Variants in NAA11 observed in about 807,000 individuals in gnomAD.
NAA11 encodes the protein N-alpha-acetyltransferase 11, NatA catalytic subunit, also known as N-alpha-acetyltransferase 11.
In NAA11, 15 loss-of-function variants were observed where a neutral mutation model predicts 16.1. That is an observed-to-expected ratio of 0.93 (90% confidence interval 0.62 to 1.44). NAA11 has a LOEUF of 1.44. NAA11 is among the 40% of genes most tolerant of loss of function. The pLI is 0.00. For missense variants in NAA11, 298 were observed against 291.3 expected (o/e 1.02, Z -0.17); for synonymous variants, 122 against 112.4 (o/e 1.09, Z -0.54).
rs558242008 is a variant in NAA11 at position 79,248,760 on chromosome 4, C to G, written c.*123-22490G>C. Among the ~76,000 whole-genome samples, 17 of 152,358 alleles carry G rather than the reference C, an allele frequency of 1.1e-4. No individual in the cohort carries two copies. In the South Asian group the frequency reaches 3.5e-3, roughly 32 times the overall value. On this transcript the variant is annotated intron_variant and NMD_transcript_variant, in intron 2 of 2. Coordinates refer to the NAA11 transcript ENST00000511542. ...ATACTGCTGCCTGCATAAACCTGCA[C>G]GTGGAGAACAGTGGCCATGCTGCCA...
At chr4:79,319,159 C>A (rs1357805832) in intron 1 of NAA11, among the ~76,000 whole-genome samples, 3 of 152,164 alleles carry the variant, frequency 2.0e-5, no homozygotes, top group Non-Finnish European at 4.4e-5. Flanking sequence ...AACTCCTGGC[C>A]TCATGCAAAG....
chr4:79,208,927 A>AAAAAAG, the NAA11 span, among the ~76,000 whole-genome samples: 1 of 134,940 alleles, frequency 7.4e-6, no homozygotes, highest in Non-Finnish European at 1.5e-5. Flanking sequence ...ATAACTGCCA[A>AAAAAAG]AAAAAAAAAA....
intron 1 of NAA11, among the ~76,000 whole-genome samples, chr4:79,297,541 T>TG (rs1339481398): frequency 8.5e-5 from 13 of 152,286 alleles, no homozygotes; most frequent in Admixed American, 6.5e-4. Flanking sequence ...CCCACTGACT[T>TG]GCCTCTTCCC....
At chr4:79,309,905 C>T (rs1398482564) in intron 1 of NAA11, among the ~76,000 whole-genome samples, 1 of 151,812 alleles carries the variant, frequency 6.6e-6, no homozygotes, top group East Asian at 1.9e-4. Flanking sequence ...TTAGTAAAGA[C>T]GAGGTTTCAC....
intron 2 of NAA11, among the ~76,000 whole-genome samples, chr4:79,265,507 C>T (rs1428733765): frequency 6.6e-6 from 1 of 152,190 alleles, no homozygotes; most frequent in East Asian, 1.9e-4. Flanking sequence ...TCCCCTATTG[C>T]ACTTTCTTTA....
chr4:79,318,529 GCTGA>G (rs888174264), intron 1 of NAA11, among the ~76,000 whole-genome samples: 12 of 152,256 alleles, frequency 7.9e-5, no homozygotes, highest in Admixed American at 2.0e-4. Flanking sequence ...TAAGATTGAG[GCTGA>G]CTATTATGCA....
intron 2 of NAA11, among the ~76,000 whole-genome samples, chr4:79,290,129 C>T (rs182897730): frequency 2.8e-4 from 43 of 152,236 alleles, no homozygotes; most frequent in African/African-American, 9.6e-4. Flanking sequence ...CAGCAGAGAA[C>T]GCTGGGTCTC....
At chr4:79,207,318 T>C in the NAA11 span, among the ~76,000 whole-genome samples, 1 of 148,906 alleles carries the variant, frequency 6.7e-6, no homozygotes, top group Non-Finnish European at 1.5e-5. Flanking sequence ...TTACTATAAC[T>C]GTGTTTGGTG....
chr4:79,187,762 C>G, the NAA11 span, among the ~76,000 whole-genome samples: 1 of 151,860 alleles, frequency 6.6e-6, no homozygotes, highest in Non-Finnish European at 1.5e-5. Context: ...TTTGGGAGGC[C>G]GAGGCGGGCT....
At chr4:79,247,695 G>A (rs1370723360) in intron 2 of NAA11, among the ~76,000 whole-genome samples, 1 of 152,090 alleles carries the variant, frequency 6.6e-6, no homozygotes, top group Non-Finnish European at 1.5e-5. Context: ...GGGTTGAAGG[G>A]GGAGAAAGCT....
chr4:79,251,714 A>G (rs1034078082), intron 2 of NAA11, among the ~76,000 whole-genome samples: 1 of 152,160 alleles, frequency 6.6e-6, no homozygotes, highest in Admixed American at 6.5e-5. Context: ...TGCTGCATAT[A>G]CTTGTCTTCC....
chr4:79,225,427 C>G (rs1721288394), downstream of NAA11, among the ~76,000 whole-genome samples: 1 of 152,072 alleles, frequency 6.6e-6, no homozygotes, highest in Non-Finnish European at 1.5e-5. Flanking sequence ...GTGCCAAGCA[C>G]TGAATGGCAA....
chr4:79,158,698 GATATATATAT>G, the NAA11 span, among the ~76,000 whole-genome samples: 6 of 112,108 alleles, frequency 5.4e-5, no homozygotes, highest in Non-Finnish European at 1.1e-4. Context: ...CACATTACCT[GATATATATAT>G]ATATATATAT....
At chr4:79,296,417 A>G (rs79040857) in intron 1 of NAA11, among the ~76,000 whole-genome samples, 6,495 of 152,284 alleles carry the variant, frequency 0.043, 498 homozygotes, top group African/African-American at 0.15. Context: ...CACCTTACCC[A>G]GTGCCTAGAA....
At chr4:79,241,503 G>A (rs1721695966) in intron 2 of NAA11, among the ~76,000 whole-genome samples, 1 of 151,644 alleles carries the variant, frequency 6.6e-6, no homozygotes, top group Non-Finnish European at 1.5e-5. Context: ...AAGGACCATA[G>A]TAATTTTGCA....
chr4:79,273,338 T>A (rs1722545113), intron 2 of NAA11, among the ~76,000 whole-genome samples: 1 of 151,954 alleles, frequency 6.6e-6, no homozygotes, highest in Admixed American at 6.6e-5. Flanking sequence ...TTTTAGTAGG[T>A]TAAAATCCAT....
At chr4:79,174,511 T>C in the NAA11 span, among the ~76,000 whole-genome samples, 1 of 152,130 alleles carries the variant, frequency 6.6e-6, no homozygotes, top group Non-Finnish European at 1.5e-5. Context: ...TGGCTCCTTT[T>C]TCTTACAATT....
rs145128918 is a variant in NAA11 at position 79,233,060 on chromosome 4, C to T, written c.*123-6790G>A. 4.7e-3 allele frequency among the ~76,000 whole-genome samples: 707 copies of T among 152,002 alleles called. 4 individuals carry two copies. The highest frequency in any genetic ancestry group is 0.016 in the African/African-American group (670 of 41,498). On this transcript the variant is annotated intron_variant and NMD_transcript_variant, in intron 2 of 2. Coordinates refer to the NAA11 transcript ENST00000511542. ...TAAGTACCTAGTACAATGTCTGCCA[C>T]GTGTCTAAGCTATCATCACCTGGCC...
the NAA11 span, among the ~76,000 whole-genome samples, chr4:79,218,324 G>A: frequency 3.3e-5 from 5 of 151,112 alleles, no homozygotes; most frequent in African/African-American, 1.2e-4. Context: ...TAGGAAAGAA[G>A]GAAGTGACAA....
Sources: allele counts gnomAD v4.1 joint callset (sites outside exome capture counted in the v4.1 genomes callset), GRCh38; gene constraint gnomAD v4.1.1; transcripts MANE v1.5; gene names NCBI Gene and HGNC (gene_info 2026-07-23, HGNC 2026-07-21).